SH2D7: variants seen among roughly 807,000 people sequenced by gnomAD.
The protein encoded by SH2D7 is SH2 domain containing 7, also known as SH2 domain-containing protein 7.
SH2D7 carries 32 observed loss-of-function variants against 40.8 expected under a neutral mutation model. That is an observed-to-expected ratio of 0.78 (90% CI 0.59 to 1.05). The LOEUF (loss-of-function observed/expected upper bound fraction) is 1.05, where lower values mean the gene tolerates loss of function less well. SH2D7 is among the 50% of genes least tolerant of loss of function. The pLI is 0.00. For missense variants in SH2D7, 559 were observed against 566.6 expected, an observed-to-expected ratio of 0.99 and a Z score of 0.14; for synonymous variants, 195 against 221.5, an observed-to-expected ratio of 0.88 and a Z score of 1.06.
In SH2D7 at chr15:78,101,224, T is replaced by TG. The variant is rs777020477; in HGVS notation, c.976dup (p.Ala326GlyfsTer27). 2 of 1,602,918 alleles carry TG rather than the reference T, an allele frequency of 1.2e-6. No homozygotes were observed. Among genetic ancestry groups the TG allele is most frequent in the South Asian group, 2.2e-5 (2 of 89,830 alleles). On this transcript the variant is annotated frameshift_variant, in exon 5 of 6. Transcript: ENST00000328828. LOFTEE classifies it high-confidence loss of function. ...GGATGTTCTGATGCCATGGGATCCC[T>TG]GGGGGCTACCTGGAGGCAGGAGTTT...
upstream of SH2D7, among the ~76,000 whole-genome samples, chr15:78,091,916 T>C (rs2073942789): frequency 6.6e-6 from 1 of 152,250 alleles, no homozygotes; most frequent in African/African-American, 2.4e-5. Flanking sequence ...TGACTCTGTG[T>C]CTGCATAATG....
chr15:78,091,755 G>A (rs1713379001), upstream of SH2D7, among the ~76,000 whole-genome samples: 1 of 152,202 alleles, frequency 6.6e-6, no homozygotes, highest in East Asian at 1.9e-4. Flanking sequence ...ATGAGCTTCT[G>A]TTTTTTCTTC....
At position 78,101,538 on chromosome 15, in the gene SH2D7, G is replaced by T. The variant is rs1169936296; in HGVS notation, c.1285G>T (p.Glu429Ter). ...ACAGATCCCAGCAACCAAGAGCAAGGAGACTGGACGGACACACAAGGTGAG... is the reference window on the plus strand; with the variant it reads ...ACAGATCCCAGCAACCAAGAGCAAGTAGACTGGACGGACACACAAGGTGAG... ...YEQIPATKSKETGRTHKPDKL... is the reference protein window; with the variant it reads ...YEQIPATKSK Residue 429 changes from glutamate (E) to a stop codon, truncating the protein, a stop_gained, in exon 5 of 6, where the codon GAG becomes TAG. Coordinates refer to ENST00000328828, the MANE Select transcript of SH2D7 (RefSeq NM_001101404.2). LOFTEE classifies it high-confidence loss of function. 1 of 1,595,384 alleles carries T rather than the reference G, an allele frequency of 6.3e-7. No individual in the cohort carries two copies. The highest frequency in any genetic ancestry group is 1.4e-5 in the African/African-American group (1 of 73,974).
chr15:78,098,099 G>T lies in SH2D7; in HGVS notation c.432+5G>T, dbSNP rs762571026. On this transcript the variant is annotated splice_donor_5th_base_variant and intron_variant, in intron 3 of 5. Coordinates refer to ENST00000328828, the MANE Select transcript of SH2D7 (RefSeq NM_001101404.2). ...CTGACTGCTGCCTGCCCCCGGGTAG[G>T]CGCCCCACTTCCCCAGGGTGAGGGT... is the stretch of plus-strand genomic sequence containing the variant. 2.5e-6 allele frequency: 4 copies of T among 1,603,002 alleles called. No homozygotes were observed. Among genetic ancestry groups the T allele is most frequent in the Non-Finnish European group, 3.4e-6 (4 of 1,174,178 alleles).
chr15:78,100,419 CG>C (rs2074006001), intron 4 of SH2D7, among the ~76,000 whole-genome samples: 1 of 152,046 alleles, frequency 6.6e-6, no homozygotes, highest in African/African-American at 2.4e-5. Flanking sequence ...AGTCCTAGGC[CG>C]GGTGTGGTGG....
At chr15:78,092,863 G>T in intron 1 of SH2D7, 103 bp downstream of exon 1, 2 of 1,362,750 alleles carry the variant, frequency 1.5e-6, no homozygotes, top group Non-Finnish European at 9.8e-7. Context: ...TCCTTTCCCT[G>T]GGCTAGGCAG....
In SH2D7 at chr15:78,092,777, C is replaced by T. The variant is rs373077198; in HGVS notation, c.176+17C>T. 97 of 1,599,880 alleles carry T rather than the reference C, an allele frequency of 6.1e-5. No individual in the cohort carries two copies. The Middle Eastern group carries it at 3.0e-3, about 49-fold the overall frequency. ...CACCCGCAAGTAAGGCTGCTTCTAC[C>T]CACAGGTCCCTCATAGCCCACAGCC... On this transcript the variant is annotated intron_variant, in intron 1 of 5. Transcript: ENST00000328828.
chr15:78,102,553 GTGGTGGTGGTGGTAT>G (rs2074024608), intron 5 of SH2D7, among the ~76,000 whole-genome samples: 1 of 152,042 alleles, frequency 6.6e-6, no homozygotes, highest in East Asian at 1.9e-4. Flanking sequence ...GGTGGTGGTA[GTGGTGGTGGTGGTAT>G]TGGTGGCAGA....
intron 5 of SH2D7, among the ~76,000 whole-genome samples, chr15:78,102,464 C>G (rs958485144): frequency 6.6e-6 from 1 of 152,126 alleles, no homozygotes; most frequent in Non-Finnish European, 1.5e-5. Flanking sequence ...TAATGCTAGA[C>G]ACCCTCTCCT....
intron 4 of SH2D7, among the ~76,000 whole-genome samples, chr15:78,100,108 C>T (rs1334532564): frequency 6.6e-6 from 1 of 152,242 alleles, no homozygotes; most frequent in African/African-American, 2.4e-5. Context: ...TATTGTGCTA[C>T]ACAGCGCAGC....
chr15:78,098,984 A>T (rs1478573649), intron 4 of SH2D7, among the ~76,000 whole-genome samples: 1 of 151,646 alleles, frequency 6.6e-6, no homozygotes, highest in Non-Finnish European at 1.5e-5. Context: ...ATTCTTCTCC[A>T]TAGCACCCCA....
intron 5 of SH2D7, 56 bp from the exon 6 acceptor site, chr15:78,103,409 G>T (rs998615178): frequency 6.5e-7 from 1 of 1,547,432 alleles, no homozygotes; most frequent in Non-Finnish European, 8.7e-7. Flanking sequence ...CGGAGCCTGG[G>T]TCTTTCCCTC....
chr15:78,102,138 C>CT (rs2074022182), intron 5 of SH2D7, among the ~76,000 whole-genome samples: 1 of 151,874 alleles, frequency 6.6e-6, no homozygotes, highest in African/African-American at 2.4e-5. Context: ...TCTCAGCTAC[C>CT]TGGGGGGCAG....
At chr15:78,098,627 G>C (rs745764951) in intron 4 of SH2D7, 31 bp downstream of exon 4, 4 of 1,600,114 alleles carry the variant, frequency 2.5e-6, no homozygotes. Context: ...CCTAGAGTCA[G>C]GGTTGCCAGA....
In SH2D7 at chr15:78,098,093, G is replaced by A. The variant is rs190903830; in HGVS notation, c.431G>A (p.Arg144Gln). ...FKEMLTAACP[R>Q]PEDNDLYDAI... ...GAGATGCTGACTGCTGCCTGCCCCC[G>A]GGTAGGCGCCCCACTTCCCCAGGGT... Residue 144 changes from arginine (R) to glutamine (Q), a missense_variant and splice_region_variant, in exon 3 of 6, where the codon CGG becomes CAG. Physicochemically the swap from Arg to Gln is conservative, Grantham distance 43. Transcript: ENST00000328828. 16 of 1,605,254 alleles carry A rather than the reference G, an allele frequency of 1.0e-5. No individual in the cohort carries two copies. The highest frequency in any genetic ancestry group is 5.1e-5 in the Admixed American group (3 of 58,748).
intron 5 of SH2D7, 71 bp downstream of exon 5, chr15:78,101,629 G>GC: frequency 6.8e-7 from 1 of 1,474,812 alleles, no homozygotes; most frequent in Non-Finnish European, 9.0e-7. Context: ...ACAACCTGAA[G>GC]CCCCCAGGCA....
chr15:78,098,265 T>C, intron 3 of SH2D7, 119 bp from the exon 4 acceptor site: 1 of 1,412,484 alleles, frequency 7.1e-7, no homozygotes, highest in East Asian at 2.5e-5. Flanking sequence ...GGCAATGTCT[T>C]ACCTGAGGTC....
In SH2D7 at chr15:78,092,720, G is replaced by A. The variant is rs145893682; in HGVS notation, c.136G>A (p.Gly46Ser). 1,216 of 1,605,474 alleles carry A rather than the reference G, an allele frequency of 7.6e-4. 9 individuals carry two copies. The African/African-American group carries it at 0.014, about 19-fold the overall frequency. ...ETQAPFILQN[G>S]ALPPWFHGFI... ...ACAGGCCCCCTTCATTCTGCAGAAC[G>A]GTGCCCTGCCTCCCTGGTTTCATGG... The change falls in exon 1 of 6, where the codon GGT becomes AGT. Residue 46 changes from glycine to serine, a missense_variant. Coordinates refer to ENST00000328828, the MANE Select transcript of SH2D7 (RefSeq NM_001101404.2).
In SH2D7 at chr15:78,094,202, G is replaced by T. The variant is rs745983271; in HGVS notation, c.266+1G>T. On this transcript the variant is annotated splice_donor_variant, in intron 2 of 5. Coordinates refer to ENST00000328828, the MANE Select transcript of SH2D7 (RefSeq NM_001101404.2). LOFTEE classifies it high-confidence loss of function. ...CCACTGGCTACATCTTGTCCTACAG[G>T]TAAGAGGGGAAGCCCTCTGGGCAAG... The T allele has an allele frequency of 6.2e-7, 1 of 1,606,606 alleles. No individual in the cohort carries two copies. The highest frequency in any genetic ancestry group is 1.7e-5 in the Admixed American group (1 of 58,906).
Sources: allele counts gnomAD v4.1 joint callset (sites outside exome capture counted in the v4.1 genomes callset), GRCh38; gene constraint gnomAD v4.1.1; transcripts MANE v1.5; gene names NCBI Gene and HGNC (gene_info 2026-07-23, HGNC 2026-07-21).